ESRP1: variants seen among roughly 807,000 people sequenced by gnomAD.
ESRP1 encodes the protein epithelial splicing regulatory protein 1.
A neutral mutation model predicts 81.7 loss-of-function variants in ESRP1; 33 were observed. That is an observed-to-expected ratio of 0.40 (90% CI 0.31 to 0.54). The LOEUF (loss-of-function observed/expected upper bound fraction) is 0.54. Ranked by LOEUF, ESRP1 falls within the 20% of genes least tolerant of loss-of-function variation. The pLI, the probability that ESRP1 is intolerant of heterozygous loss-of-function variation, is 0.41. For synonymous variants in ESRP1, 320 were observed against 303.3 expected (o/e 1.06, Z -0.57); for missense variants, 672 against 833.1 (o/e 0.81, Z 2.38).
At chr8:94,667,885 A>T in intron 9 of ESRP1, 64 bp from the exon 10 acceptor site, 1 of 1,401,246 alleles carries the variant, frequency 7.1e-7, no homozygotes, top group Non-Finnish European at 9.7e-7. Flanking sequence ...TTATCACTTT[A>T]AAATCGGTAA....
rs1351930432 is a variant in ESRP1 at position 94,706,975 on chromosome 8, T to G, written c.*1086T>G. 6.6e-6 allele frequency: 1 copy of G among 152,262 alleles called. No homozygotes were observed. The highest frequency in any genetic ancestry group is 1.5e-5 in the Non-Finnish European group (1 of 68,052). The allele number at this position is 152,262 out of a possible 1,614,324, so 9.4% of individuals were successfully genotyped here. ...GCAATTAGAACAGGTACTGATGCTG[T>G]CAGTGTTTAACACTATGTTTAGCTG... is the stretch of plus-strand genomic sequence containing the variant. On this transcript the variant is annotated 3_prime_UTR_variant, in exon 16 of 16. Coordinates refer to ENST00000433389, the MANE Select transcript of ESRP1 (RefSeq NM_017697.4).
At chr8:94,664,260 A>C (rs1818901755) in intron 6 of ESRP1, among the ~76,000 whole-genome samples, 1 of 151,354 alleles carries the variant, frequency 6.6e-6, no homozygotes, top group Non-Finnish European at 1.5e-5. Flanking sequence ...AGTAACTGGG[A>C]TTATAAGCGT....
rs35081221 is a variant in ESRP1, at chr8:94,678,308, C to T, written c.1757C>T (p.Pro586Leu). The T allele has an allele frequency of 6.2e-7, 1 of 1,613,890 alleles. No homozygotes were observed. Among genetic ancestry groups the T allele is most frequent in the Non-Finnish European group, 8.5e-7 (1 of 1,179,900 alleles). ...ATTTTGAATCCACGAGCACTGCAGC[C>T]CTCCACAGCGTACTACCCAGCAGGC... The part of the protein sequence containing the change: ...SVILNPRALQ[P>L]STAYYPAGTQ... The change falls in exon 13 of 16, where the codon CCC becomes CTC. Residue 586 changes from proline to leucine, a missense_variant. Physicochemically the swap from Pro to Leu is moderately conservative, Grantham distance 98 (BLOSUM62 -3). Coordinates refer to ENST00000433389, the MANE Select transcript of ESRP1 (RefSeq NM_017697.4).
At chr8:94,690,059 C>G (rs1034397471) in intron 13 of ESRP1, among the ~76,000 whole-genome samples, 4 of 151,730 alleles carry the variant, frequency 2.6e-5, no homozygotes, top group African/African-American at 9.7e-5. Context: ...ACCTCATGAT[C>G]CACCTACCTT....
chr8:94,690,198 A>G (rs972789231), intron 13 of ESRP1, among the ~76,000 whole-genome samples: 2 of 150,026 alleles, frequency 1.3e-5, no homozygotes, highest in African/African-American at 4.9e-5. Flanking sequence ...CTGGTGTCAA[A>G]TTCCTGGCCT....
rs148604944 is a variant in ESRP1 at position 94,689,042 on chromosome 8, G to A, written c.1821-3635G>A. On this transcript the variant is annotated intron_variant, in intron 13 of 15. Coordinates refer to ENST00000433389, the MANE Select transcript of ESRP1 (RefSeq NM_017697.4). ...GAGGTGGGCAGATCACTTGAAGCCA[G>A]TAGTTTGAGACCAGCCTGGCCAACA... Among the ~76,000 whole-genome samples the A allele has an allele frequency of 8.5e-3, 1,288 of 152,216 alleles. 24 individuals carry two copies. The highest frequency in any genetic ancestry group is 0.029 in the African/African-American group (1,214 of 41,516).
chr8:94,685,665 T>A (rs1405601124), intron 13 of ESRP1, among the ~76,000 whole-genome samples: 5 of 151,980 alleles, frequency 3.3e-5, no homozygotes, highest in Admixed American at 2.0e-4. Context: ...CCAGGCATGG[T>A]GGCAGATGCC....
intron 13 of ESRP1, among the ~76,000 whole-genome samples, chr8:94,690,300 TTTTTG>T (rs1295653506): frequency 0.042 from 3,007 of 72,194 alleles, 94 homozygotes; most frequent in Non-Finnish European, 0.067. Context: ...TTTTTTTTTT[TTTTTG>T]GATTTTTAGT....
In ESRP1 at chr8:94,696,857, A is replaced by G; in HGVS notation, c.1977A>G (p.Ala659=). The G allele has an allele frequency of 6.3e-7, 1 of 1,584,054 alleles. No individual in the cohort carries two copies. The highest frequency in any genetic ancestry group is 8.6e-7 in the Non-Finnish European group (1 of 1,165,938). ...ILNFFQGYQY[A]TEDGLIHTND... is the part of the protein sequence containing the mutation. ...TGTTTTAACTTGCATTTTAGTATGC[A>G]ACCGAGGATGGACTTATACACACAA... The change falls in exon 15 of 16, where the codon GCA becomes GCG. Residue 659 remains alanine, a synonymous_variant. Coordinates refer to ENST00000433389, the MANE Select transcript of ESRP1 (RefSeq NM_017697.4).
chr8:94,663,678 T>C (rs1206684715), intron 6 of ESRP1, among the ~76,000 whole-genome samples: 1 of 152,186 alleles, frequency 6.6e-6, no homozygotes, highest in Non-Finnish European at 1.5e-5. Flanking sequence ...CTGAAGTGAA[T>C]AGAAACTTCT....
At chr8:94,667,504 G>T (rs374444939) in intron 9 of ESRP1, among the ~76,000 whole-genome samples, 1 of 150,908 alleles carries the variant, frequency 6.6e-6, no homozygotes, top group Non-Finnish European at 1.5e-5. Flanking sequence ...ATCAGGAAAA[G>T]ATTTTTTTAA....
In ESRP1 at chr8:94,689,811, C is replaced by CTTTTTTTTTTTTTTTTTTT. The variant is rs58359551; in HGVS notation, c.1821-2859_1821-2841dup. 4.7e-3 allele frequency among the ~76,000 whole-genome samples: 302 copies of CTTTTTTTTTTTTTTTTTTT among 64,588 alleles called. 27 individuals are homozygous for CTTTTTTTTTTTTTTTTTTT. Among genetic ancestry groups the CTTTTTTTTTTTTTTTTTTT allele is most frequent in the Non-Finnish European group, 6.0e-3 (202 of 33,634 alleles). The allele number at this position is 64,588 out of a possible 152,430, so 42.4% of individuals were successfully genotyped here. On this transcript the variant is annotated intron_variant, in intron 13 of 15. Transcript: ENST00000433389. ...CACAGGCATGTGCTATGATGCCTGG[C>CTTTTTTTTTTTTTTTTTTT]TTTTTTTTTTTTTTTTTTTTTTTTT...
chr8:94,672,193 T>C (rs1049331618), intron 11 of ESRP1, among the ~76,000 whole-genome samples: 1 of 152,202 alleles, frequency 6.6e-6, no homozygotes, highest in African/African-American at 2.4e-5. Context: ...TATTTAGAAA[T>C]GGCTTATTTC....
intron 13 of ESRP1, among the ~76,000 whole-genome samples, chr8:94,681,340 A>AACAAAC (rs1475815967): frequency 2.1e-5 from 3 of 143,362 alleles, no homozygotes; most frequent in Non-Finnish European, 4.5e-5. Flanking sequence ...AAAAAAAAAA[A>AACAAAC]AAAAAAAAAA....
chr8:94,665,225 A>C (rs747438175), intron 9 of ESRP1, 29 bp downstream of exon 9: 3 of 1,602,476 alleles, frequency 1.9e-6, no homozygotes, highest in Non-Finnish European at 2.6e-6. Flanking sequence ...ATGTGGCTTT[A>C]GTTAATAAGA....
In ESRP1 at chr8:94,671,740, G is replaced by GATATTAGATAATCTATTAGAAATATCTA. The variant is rs1222975067; in HGVS notation, c.1452+80_1452+107dup. ...TACATATGAGAAATATCTAATATTA[G>GATATTAGATAATCTATTAGAAATATCTA]ATATTAGATAATCTATTAGAAATAT... On this transcript the variant is annotated intron_variant, in intron 11 of 15. Transcript: ENST00000433389. 769 of 971,270 alleles carry GATATTAGATAATCTATTAGAAATATCTA rather than the reference G, an allele frequency of 7.9e-4. 3 individuals carry two copies. The highest frequency in any genetic ancestry group is 1.8e-3 in the Admixed American group (68 of 37,774). 60.2% of individuals were successfully genotyped at this position (971,270 alleles called of 1,614,324 possible).
intron 13 of ESRP1, chr8:94,688,388 G>C (rs1809231103): frequency 7.1e-6 from 2 of 283,312 alleles, no homozygotes; most frequent in African/African-American, 4.5e-5. Flanking sequence ...AGTCATTTGA[G>C]ATCACAGAGC....
chr8:94,692,869 C>T (rs1384324836), intron 14 of ESRP1, 42 bp downstream of exon 14: 2 of 1,585,896 alleles, frequency 1.3e-6, no homozygotes, highest in Non-Finnish European at 1.7e-6. Context: ...GCCCTTATTA[C>T]TTAAGTTGAT....
At chr8:94,679,324 TA>T (rs1186895279) in intron 13 of ESRP1, among the ~76,000 whole-genome samples, 3 of 152,214 alleles carry the variant, frequency 2.0e-5, no homozygotes, top group Non-Finnish European at 4.4e-5. Context: ...TTGAAAAGGC[TA>T]AGAAGCATGA....
Sources: gnomAD v4.1 joint callset for allele counts (sites outside exome capture counted in the v4.1 genomes callset) on GRCh38, gnomAD v4.1.1 for gene constraint, MANE v1.5 for transcripts, NCBI Gene and HGNC (gene_info 2026-07-23, HGNC 2026-07-21) for gene names.